Variants in OCA2 observed in about 807,000 individuals in gnomAD.
OCA2 encodes OCA2 melanosomal transmembrane protein.
A neutral mutation model predicts 100.2 loss-of-function variants in OCA2; 77 were observed. That is an observed-to-expected ratio of 0.77 (90% CI 0.64 to 0.93). The LOEUF (loss-of-function observed/expected upper bound fraction) is 0.93, where lower values mean the gene tolerates loss of function less well. Among genes scored for constraint, OCA2 ranks in the 40% least tolerant of loss-of-function variants. The pLI, the probability that OCA2 is intolerant of heterozygous loss-of-function variation, is 0.00. For synonymous variants in OCA2, 432 were observed against 439.2 expected (o/e 0.98, Z 0.21); for missense variants, 1,062 against 1,089.1 (o/e 0.98, Z 0.35).
intron 15 of OCA2, among the ~76,000 whole-genome samples, chr15:27,961,566 C>T (rs1290020075): frequency 1.2e-4 from 18 of 152,286 alleles, no homozygotes; most frequent in Middle Eastern, 3.4e-3. Context: ...CCATCAATGA[C>T]AGACTGGATA....
At chr15:27,825,458 G>A (rs2034682599) in intron 23 of OCA2, among the ~76,000 whole-genome samples, 1 of 152,206 alleles carries the variant, frequency 6.6e-6, no homozygotes, top group South Asian at 2.1e-4. Context: ...GAGGAGCACT[G>A]AGGGAGGCAG....
At chr15:28,032,826 T>G (rs189978647) in intron 2 of OCA2, among the ~76,000 whole-genome samples, 96 of 151,476 alleles carry the variant, frequency 6.3e-4, no homozygotes, top group African/African-American at 2.2e-3. Flanking sequence ...AAAAAAACAT[T>G]CAGAGTCTCA....
rs781624223 is a variant in OCA2, at chr15:28,022,590, C to T, written c.574-17G>A. ...GAACAAAATCTGTAACAATCAGAAA[C>T]GTTGAATGACAGAGGTGTGGTATGA... On this transcript the variant is annotated splice_polypyrimidine_tract_variant and intron_variant, in intron 5 of 23. Transcript: ENST00000354638. 8.8e-6 allele frequency: 14 copies of T among 1,594,994 alleles called. No homozygotes were observed. Among genetic ancestry groups the T allele is most frequent in the Admixed American group, 1.7e-5 (1 of 59,972 alleles).
chr15:27,781,590 T>G (rs1262435088), intron 23 of OCA2, among the ~76,000 whole-genome samples: 1 of 152,248 alleles, frequency 6.6e-6, no homozygotes, highest in Non-Finnish European at 1.5e-5. Flanking sequence ...TTATTTCTTT[T>G]GTGTGCTTTA....
At position 27,926,167 on chromosome 15, in the gene OCA2, G is replaced by A; in HGVS notation, c.2039C>T (p.Ala680Val). The A allele has an allele frequency of 1.9e-6, 3 of 1,614,080 alleles. No homozygotes were observed. The highest frequency in any genetic ancestry group is 2.5e-6 in the Non-Finnish European group (3 of 1,179,952). ...FEIILHRVEWATLLFFAALFV... is the reference protein window; with the variant it reads ...FEIILHRVEWVTLLFFAALFV... ...GAGCGCTGCAAAAAACAGAAGGGTT[G>A]CCCATTCCACTCTGTGTAGAATTAT... Residue 680 changes from alanine (A) to valine (V), a missense_variant, in exon 19 of 24, where the codon GCA becomes GTA. Coordinates refer to ENST00000354638, the MANE Select transcript of OCA2 (RefSeq NM_000275.3).
intron 9 of OCA2, among the ~76,000 whole-genome samples, chr15:27,994,602 C>T (rs1467080812): frequency 6.6e-6 from 1 of 152,216 alleles, no homozygotes; most frequent in East Asian, 1.9e-4. Flanking sequence ...GTTTCTTTGG[C>T]AAGAGTCCAG....
intron 19 of OCA2, among the ~76,000 whole-genome samples, chr15:27,911,114 G>A (rs1300056271): frequency 6.6e-6 from 1 of 152,160 alleles, no homozygotes; most frequent in East Asian, 1.9e-4. Context: ...ATACATTTCT[G>A]TATGGCTTTG....
At chr15:27,822,018 C>T (rs1389394914) in intron 23 of OCA2, among the ~76,000 whole-genome samples, 1 of 152,158 alleles carries the variant, frequency 6.6e-6, no homozygotes, top group African/African-American at 2.4e-5. Flanking sequence ...TCCAATAAAA[C>T]TTCAGTCACA....
intron 9 of OCA2, among the ~76,000 whole-genome samples, chr15:28,012,055 A>T (rs2042257628): frequency 6.6e-6 from 1 of 152,202 alleles, no homozygotes; most frequent in African/African-American, 2.4e-5. Flanking sequence ...CAGTCTGTAT[A>T]TCTATAATAT....
chr15:27,914,691 C>T (rs912974860), intron 19 of OCA2, among the ~76,000 whole-genome samples: 6 of 152,078 alleles, frequency 3.9e-5, no homozygotes, highest in East Asian at 1.9e-4. Flanking sequence ...AATTATAAAC[C>T]ACTGCTGAAA....
chr15:27,763,707 G>T (rs763644165), intron 23 of OCA2, among the ~76,000 whole-genome samples: 1 of 152,200 alleles, frequency 6.6e-6, no homozygotes. Context: ...GCACCCTCCT[G>T]GGAAGCAGGG....
intron 7 of OCA2, among the ~76,000 whole-genome samples, chr15:28,017,061 AGCGGGGG>A (rs940876419): frequency 3.7e-4 from 18 of 48,172 alleles, no homozygotes; most frequent in African/African-American, 1.5e-3. Context: ...CAGCCTGGGG[AGCGGGGG>A]GCGGGGGGGG....
chr15:27,879,201 C>T (rs1194207286), intron 19 of OCA2, among the ~76,000 whole-genome samples: 3 of 152,152 alleles, frequency 2.0e-5, no homozygotes, highest in Non-Finnish European at 2.9e-5. Flanking sequence ...CTTTTTATGG[C>T]TGCAGAGTAT....
intron 21 of OCA2, among the ~76,000 whole-genome samples, chr15:27,857,371 A>G (rs2151435679): frequency 6.6e-6 from 1 of 152,312 alleles, no homozygotes; most frequent in African/African-American, 2.4e-5. Context: ...CATAAGAGAC[A>G]GAAAGTAAGA....
At chr15:28,040,015 GAGAGAGAC>G in intron 2 of OCA2, among the ~76,000 whole-genome samples, 1 of 147,026 alleles carries the variant, frequency 6.8e-6, no homozygotes, top group Non-Finnish European at 1.5e-5. Flanking sequence ...CTGGGTGACA[GAGAGAGAC>G]TCCATCTCAA....
intron 23 of OCA2, among the ~76,000 whole-genome samples, chr15:27,816,974 G>A (rs779895387): frequency 3.9e-5 from 6 of 152,028 alleles, no homozygotes; most frequent in South Asian, 2.1e-4. Context: ...CTATGTCTCC[G>A]CTCAGGTCAG....
intron 9 of OCA2, among the ~76,000 whole-genome samples, chr15:27,998,914 T>C (rs544825928): frequency 4.0e-5 from 6 of 150,424 alleles, no homozygotes; most frequent in Non-Finnish European, 8.9e-5. Context: ...ATGGATGAAA[T>C]TGGAAATCAT....
chr15:27,855,724 A>G (rs1463934018), intron 21 of OCA2, among the ~76,000 whole-genome samples: 1 of 152,240 alleles, frequency 6.6e-6, no homozygotes, highest in Admixed American at 6.5e-5. Context: ...TAGATACAAG[A>G]GACAGACAGT....
chr15:27,989,087 G>C (rs547553183), intron 11 of OCA2, among the ~76,000 whole-genome samples: 3 of 152,150 alleles, frequency 2.0e-5, no homozygotes, highest in African/African-American at 7.2e-5. Flanking sequence ...TTCTAGTTAA[G>C]CTGGGTTAGG....
Sources: gnomAD v4.1 joint callset for allele counts (sites outside exome capture counted in the v4.1 genomes callset) on GRCh38, gnomAD v4.1.1 for gene constraint, MANE v1.5 for transcripts, NCBI Gene and HGNC (gene_info 2026-07-23, HGNC 2026-07-21) for gene names.